The following ABCC4 variants were observed in gnomAD, a reference collection of about 807,000 sequenced individuals.
ABCC4 encodes ATP binding cassette subfamily C member 4 (PEL blood group), also known as ATP-binding cassette sub-family C member 4.
ABCC4 carries 102 observed loss-of-function variants against 168.5 expected under a neutral mutation model. The ratio of observed to expected loss-of-function variants is 0.61; its 90% CI spans 0.52 to 0.71. The LOEUF (loss-of-function observed/expected upper bound fraction) is 0.71, where lower values mean the gene tolerates loss of function less well. Among genes scored for constraint, ABCC4 ranks in the 30% least tolerant of loss-of-function variants. The pLI is 0.00. For synonymous variants in ABCC4, 617 were observed against 590.7 expected (o/e 1.04, Z -0.65); for missense variants, 1,402 against 1,605.8 (o/e 0.87, Z 2.17).
rs573522839 is a variant in ABCC4, at chr13:95,145,933, C to T, written c.2455+15256G>A. ...GGACTCTGAGAAGGAAACAACAGGC[C>T]GGGCACAGTGGCTCACGGCTGTAAT... On this transcript the variant is annotated intron_variant, in intron 19 of 30. Transcript: ENST00000645237. Among the ~76,000 whole-genome samples the T allele has an allele frequency of 5.9e-5, 9 of 152,062 alleles. No homozygotes were observed. In the South Asian group the frequency reaches 1.5e-3, roughly 25 times the overall value.
chr13:95,091,121 A>G (rs2034420072), intron 20 of ABCC4, among the ~76,000 whole-genome samples: 2 of 152,228 alleles, frequency 1.3e-5, no homozygotes, highest in African/African-American at 2.4e-5. Flanking sequence ...GAAAATATGA[A>G]CAAAACCTCC....
intron 19 of ABCC4, chr13:95,148,764 T>C (rs2036580379): frequency 6.6e-6 from 1 of 152,166 alleles, no homozygotes; most frequent in Middle Eastern, 3.4e-3. Context: ...TGAGCTGTAT[T>C]AGAAAAAAAA....
intron 30 of ABCC4, among the ~76,000 whole-genome samples, chr13:95,024,898 A>G (rs1160762916): frequency 6.6e-6 from 1 of 152,066 alleles, no homozygotes; most frequent in Non-Finnish European, 1.5e-5. Flanking sequence ...CCTGAATGGT[A>G]AAATATCATG....
chr13:95,287,238 G>A (rs146331560), intron 1 of ABCC4, among the ~76,000 whole-genome samples: 2,649 of 152,138 alleles, frequency 0.017, 68 homozygotes, highest in African/African-American at 0.059. Context: ...GTTGCAGTGA[G>A]CCAAGATTGT....
intron 19 of ABCC4, among the ~76,000 whole-genome samples, chr13:95,134,610 C>G (rs1023520521): frequency 1.3e-5 from 2 of 152,072 alleles, no homozygotes; most frequent in African/African-American, 4.8e-5. Context: ...ATCCCAGCTA[C>G]TTGGGAGGCT....
At chr13:95,053,269 T>A in intron 26 of ABCC4, 85 bp from the exon 27 acceptor site, 1 of 1,017,204 alleles carries the variant, frequency 9.8e-7, no homozygotes, top group Non-Finnish European at 1.5e-6. Context: ...AGAATTAAGA[T>A]ACCAAAAAAT....
intron 21 of ABCC4, among the ~76,000 whole-genome samples, chr13:95,078,995 G>A (rs927393590): frequency 2.0e-5 from 3 of 152,260 alleles, no homozygotes; most frequent in East Asian, 1.9e-4. Context: ...TGGAACACCC[G>A]GGAATATCAT....
At chr13:95,044,515 C>A (rs2032495412) in intron 27 of ABCC4, 77 bp from the exon 28 acceptor site, 4 of 1,258,496 alleles carry the variant, frequency 3.2e-6, no homozygotes, top group Non-Finnish European at 4.3e-6. Context: ...GACATTAGAA[C>A]CTTCAAGTCC....
At chr13:95,247,783 C>T in intron 1 of ABCC4, 30 bp from the exon 2 acceptor site, 2 of 1,559,920 alleles carry the variant, frequency 1.3e-6, no homozygotes, top group Non-Finnish European at 1.8e-6. Flanking sequence ...GACATATATC[C>T]AGAATTACAC....
chr13:95,124,827 G>A (rs562902372), intron 19 of ABCC4, among the ~76,000 whole-genome samples: 72 of 148,688 alleles, frequency 4.8e-4, no homozygotes, highest in Admixed American at 8.1e-4. Context: ...GCAGTGAGCC[G>A]AAATCACACC....
In ABCC4 at chr13:95,103,093, T is replaced by C. The variant is rs2034872510; in HGVS notation, c.2535+12829A>G. 2.0e-5 allele frequency among the ~76,000 whole-genome samples: 3 copies of C among 151,634 alleles called. No individual in the cohort carries two copies. In the South Asian group the frequency reaches 6.3e-4, roughly 32 times the overall value. On this transcript the variant is annotated intron_variant, in intron 20 of 30. Coordinates refer to ENST00000645237, the MANE Select transcript of ABCC4 (RefSeq NM_005845.5). ...CAGCCGGGCCAATACGGTGAAACCC[T>C]GTCTCTACTAAAAATACAAAAATTA...
In ABCC4 at chr13:95,099,452, TA is replaced by T. The variant is rs568468861; in HGVS notation, c.2536-16163del. 9.9e-5 allele frequency among the ~76,000 whole-genome samples: 15 copies of T among 151,906 alleles called. No individual in the cohort carries two copies. In the South Asian group the frequency reaches 2.3e-3, roughly 23 times the overall value. Reference sequence around the variant, plus strand: ...TGTACACAATTAGTAAAATTCAACCTAAAAAAAACTGTCGATTTTATTGTAT... The same window carrying T: ...TGTACACAATTAGTAAAATTCAACCTAAAAAAACTGTCGATTTTATTGTAT... On this transcript the variant is annotated intron_variant, in intron 20 of 30. Coordinates refer to ENST00000645237, the MANE Select transcript of ABCC4 (RefSeq NM_005845.5).
chr13:95,166,418 T>C, intron 14 of ABCC4, 51 bp from the exon 15 acceptor site: 1 of 1,462,036 alleles, frequency 6.8e-7, no homozygotes, highest in Non-Finnish European at 9.5e-7. Flanking sequence ...GGTGATAATG[T>C]TAACCTAATC....
chr13:95,276,169 T>C (rs2138898385), intron 1 of ABCC4, among the ~76,000 whole-genome samples: 1 of 152,292 alleles, frequency 6.6e-6, no homozygotes, highest in African/African-American at 2.4e-5. Context: ...ATCTCACTGC[T>C]TTGAGGGGCC....
intron 19 of ABCC4, among the ~76,000 whole-genome samples, chr13:95,151,401 G>C (rs1213570625): frequency 1.3e-5 from 2 of 151,186 alleles, no homozygotes; most frequent in African/African-American, 4.9e-5. Context: ...CTTGAGCCCA[G>C]AGGGCGGAGG....
chr13:95,029,854 T>G (rs375193551), intron 30 of ABCC4, among the ~76,000 whole-genome samples: 1 of 152,204 alleles, frequency 6.6e-6, no homozygotes, highest in African/African-American at 2.4e-5. Context: ...AATCCTGGCA[T>G]GACAGGTGAG....
At chr13:95,046,478 T>C (rs2032584794) in intron 27 of ABCC4, among the ~76,000 whole-genome samples, 1 of 152,170 alleles carries the variant, frequency 6.6e-6, no homozygotes, top group African/African-American at 2.4e-5. Flanking sequence ...ATGATATGAA[T>C]GTATGGCCAA....
chr13:95,298,768 C>G (rs1167500101), intron 1 of ABCC4, among the ~76,000 whole-genome samples: 1 of 152,120 alleles, frequency 6.6e-6, no homozygotes, highest in East Asian at 1.9e-4. Flanking sequence ...AGCTTTGGAG[C>G]CTGCTCTGAC....
chr13:95,262,189 T>C (rs997436789), intron 1 of ABCC4, among the ~76,000 whole-genome samples: 2 of 152,178 alleles, frequency 1.3e-5, no homozygotes, highest in African/African-American at 4.8e-5. Context: ...GAACACTCTC[T>C]GCAAGGAGAT....
Sources: gnomAD v4.1 joint callset for allele counts (sites outside exome capture counted in the v4.1 genomes callset) on GRCh38, gnomAD v4.1.1 for gene constraint, MANE v1.5 for transcripts, NCBI Gene and HGNC (gene_info 2026-07-23, HGNC 2026-07-21) for gene names.